The following KLF3 variants were observed in gnomAD, a reference collection of about 807,000 sequenced individuals.
The protein encoded by KLF3 is KLF transcription factor 3.
KLF3 carries 6 observed loss-of-function variants against 32.7 expected under a neutral mutation model. The observed-to-expected ratio is 0.18, with a 90% CI of 0.10 to 0.36. KLF3 has a LOEUF of 0.36. Among genes scored for constraint, KLF3 ranks in the 10% least tolerant of loss-of-function variants. The pLI is 1.00. For synonymous variants in KLF3, 145 were observed against 172.8 expected, an observed-to-expected ratio of 0.84 and a Z score of 1.26; for missense variants, 338 against 449.7, an observed-to-expected ratio of 0.75 and a Z score of 2.25.
chr4:38,685,229 G>T (rs1483490394), intron 2 of KLF3, among the ~76,000 whole-genome samples: 1 of 152,204 alleles, frequency 6.6e-6, no homozygotes, highest in East Asian at 1.9e-4. Context: ...GCAAAAGCTT[G>T]TGTGTGCCAC....
intron 5 of KLF3, among the ~76,000 whole-genome samples, chr4:38,696,611 T>C (rs922411743): frequency 6.6e-6 from 1 of 152,222 alleles, no homozygotes; most frequent in African/African-American, 2.4e-5. Flanking sequence ...AAATAAGATG[T>C]TAATCCCTAA....
rs370306453 is a variant in KLF3, at chr4:38,680,070, G to C, written c.-39-517G>C. ...TAGAAATGCTGGTTGGCTCTCATCT[G>C]GTTATGACCATGGAGTCTGGTTTTA... On this transcript the variant is annotated intron_variant, in intron 1 of 5. Transcript: ENST00000261438. 1.3e-3 allele frequency among the ~76,000 whole-genome samples: 204 copies of C among 152,228 alleles called. 1 individual carries two copies. Among genetic ancestry groups the C allele is most frequent in the African/African-American group, 4.6e-3 (193 of 41,534 alleles).
chr4:38,685,265 G>A (rs1406651418), intron 2 of KLF3, among the ~76,000 whole-genome samples: 2 of 152,158 alleles, frequency 1.3e-5, no homozygotes, highest in African/African-American at 4.8e-5. Flanking sequence ...CAGCTTGAGG[G>A]ACCACATGTC....
At chr4:38,665,040 C>T (rs1472393843) in intron 1 of KLF3, among the ~76,000 whole-genome samples, 1 of 150,790 alleles carries the variant, frequency 6.6e-6, no homozygotes, top group Admixed American at 6.6e-5. Flanking sequence ...CGGCCGCTCG[C>T]CCGCCACAGC....
At chr4:38,673,112 C>T (rs905622320) in intron 1 of KLF3, among the ~76,000 whole-genome samples, 5 of 152,366 alleles carry the variant, frequency 3.3e-5, no homozygotes, top group Middle Eastern at 3.4e-3. Context: ...GTTTCAGTGG[C>T]TCTCTGGGAG....
Position 38,697,207 on chromosome 4 carries a change from A to G in KLF3, c.982A>G (p.Ser328Gly). The change falls in exon 6 of 6, where the codon AGC (serine) becomes GGC (glycine). Residue 328 changes from serine to glycine, a missense_variant. By Grantham distance (56) the Ser-to-Gly change is moderately conservative (BLOSUM62 0). Around this residue, in one of 2 missense-constraint regions of KLF3, gnomAD observed 66 missense variants for 136.2 expected, o/e 0.48. Transcript: ENST00000261438. ...KPFQCPDCDR[S>G]FSRSDHLALH... ...TTTCCAGTGCCCGGACTGTGACCGC[A>G]GCTTCTCCCGTTCTGACCATCTTGC... The G allele has an allele frequency of 1.2e-6, 2 of 1,614,118 alleles. No individual in the cohort carries two copies. The highest frequency in any genetic ancestry group is 1.7e-6 in the Non-Finnish European group (2 of 1,179,998).
Position 38,676,956 on chromosome 4 carries a change from G to GTT in KLF3, c.-39-3611_-39-3610dup, listed in dbSNP as rs34392158. 6.4e-3 allele frequency among the ~76,000 whole-genome samples: 671 copies of GTT among 105,110 alleles called. 2 individuals carry two copies. The highest frequency in any genetic ancestry group is 1.0e-2 in the Non-Finnish European group (531 of 53,174). The allele number at this position is 105,110 out of a possible 152,430, so 69.0% of individuals were successfully genotyped here. A position where few individuals can be genotyped will look rare whatever the true frequency, so the allele number is the denominator to read the frequency against. On this transcript the variant is annotated intron_variant, in intron 1 of 5. Coordinates refer to ENST00000261438, the MANE Select transcript of KLF3 (RefSeq NM_016531.6). ...AATCAGGTTCTGTTAGTGCCAGTGTGTTTTTTTTTTTTTTTTTTTTTGAGA... is the reference window on the plus strand; with the variant it reads ...AATCAGGTTCTGTTAGTGCCAGTGTGTTTTTTTTTTTTTTTTTTTTTTTGAGA...
At chr4:38,666,868 CTCTA>C (rs1025857308) in intron 1 of KLF3, among the ~76,000 whole-genome samples, 56 of 152,142 alleles carry the variant, frequency 3.7e-4, no homozygotes, top group Admixed American at 1.8e-3. Flanking sequence ...AACAGCAGTG[CTCTA>C]TCTTTTTTCC....
chr4:38,695,591 G>C (rs1197369138), intron 5 of KLF3, among the ~76,000 whole-genome samples: 1 of 152,178 alleles, frequency 6.6e-6, no homozygotes, highest in Admixed American at 6.5e-5. Context: ...TGTTTTAACA[G>C]CCAGGTGCAG....
intron 2 of KLF3, among the ~76,000 whole-genome samples, chr4:38,684,415 A>C (rs939070419): frequency 3.9e-5 from 6 of 152,210 alleles, no homozygotes; most frequent in African/African-American, 1.4e-4. Flanking sequence ...TGCAGTGAGA[A>C]GCAGCAGTCA....
At chr4:38,692,234 A>G (rs1722896784) in intron 4 of KLF3, among the ~76,000 whole-genome samples, 1 of 152,208 alleles carries the variant, frequency 6.6e-6, no homozygotes, top group South Asian at 2.1e-4. Context: ...CTTCTTGGTT[A>G]TAATAATCCC....
Position 38,688,626 on chromosome 4 carries a change from G to A in KLF3, c.99G>A (p.Lys33=), listed in dbSNP as rs1722769949. 1 of 1,613,684 alleles carries A rather than the reference G, an allele frequency of 6.2e-7. No individual in the cohort carries two copies. ...SNYMESMKPN[K]YGVIYSTPLP... Reference sequence around the variant, plus strand: ...ACATGGAATCCATGAAGCCTAACAAGTATGGGGTCATCTACTCCACACCAT... The same window carrying A: ...ACATGGAATCCATGAAGCCTAACAAATATGGGGTCATCTACTCCACACCAT... Residue 33 remains lysine, a synonymous_variant, in exon 3 of 6, where the codon AAG becomes AAA. Transcript: ENST00000261438. This position sits in a 1 kb window ranked among gnomAD's most constrained non-coding sequence, Gnocchi z 4.9.
Position 38,680,671 on chromosome 4 carries a change from C to A in KLF3, c.46C>A (p.Pro16Thr), listed in dbSNP as rs1318074337. ...PVPVKQEAMD[P>T]VSVSYPSNYM... is the part of the protein sequence containing the mutation. ...TCCTGTCAAGCAAGAGGCCATGGACCCTGTCTCAGTGGTAAGTTTTCCAAG... is the reference window on the plus strand; with the variant it reads ...TCCTGTCAAGCAAGAGGCCATGGACACTGTCTCAGTGGTAAGTTTTCCAAG... Residue 16 changes from proline to threonine, a missense_variant, in exon 2 of 6, where the codon CCT becomes ACT. Pro to Thr is a conservative substitution (Grantham distance 38). Coordinates refer to ENST00000261438, the MANE Select transcript of KLF3 (RefSeq NM_016531.6). 1.9e-6 allele frequency: 3 copies of A among 1,612,922 alleles called. No individual in the cohort carries two copies. Among genetic ancestry groups the A allele is most frequent in the Admixed American group, 1.7e-5 (1 of 60,008 alleles).
At chr4:38,683,706 T>TA (rs1309420593) in intron 2 of KLF3, among the ~76,000 whole-genome samples, 2 of 151,978 alleles carry the variant, frequency 1.3e-5, no homozygotes, top group Admixed American at 6.5e-5. Flanking sequence ...AAACAAATTG[T>TA]AAAAAAACAA....
intron 4 of KLF3, among the ~76,000 whole-genome samples, chr4:38,691,451 G>A (rs1722876502): frequency 6.6e-6 from 1 of 152,160 alleles, no homozygotes; most frequent in Non-Finnish European, 1.5e-5. Flanking sequence ...CTGCATGGGT[G>A]ATGAAAGAGA....
At chr4:38,689,187 C>T (rs1722799762) in intron 3 of KLF3, 116 bp downstream of exon 3, 3 of 1,285,574 alleles carry the variant, frequency 2.3e-6, no homozygotes, top group East Asian at 4.9e-5. Flanking sequence ...AAAGGAAATA[C>T]TCATCTGCCT....
At chr4:38,666,399 T>TC (rs1722043258) in intron 1 of KLF3, among the ~76,000 whole-genome samples, 1 of 151,860 alleles carries the variant, frequency 6.6e-6, no homozygotes, top group South Asian at 2.1e-4. Context: ...TTTTTTTTTT[T>TC]CCTTACCTGT....
rs1349210244 is a variant in KLF3 at position 38,699,818 on chromosome 4, A to G, written c.*2555A>G. On this transcript the variant is annotated 3_prime_UTR_variant, in exon 6 of 6. Transcript: ENST00000261438. Reference sequence around the variant, plus strand: ...AATTGGCCCTTACCAAACTTTTCTTATATATATATTTGTATTTTACTATGA... The same window carrying G: ...AATTGGCCCTTACCAAACTTTTCTTGTATATATATTTGTATTTTACTATGA... 1 of 152,044 alleles carries G rather than the reference A, an allele frequency of 6.6e-6. No individual in the cohort carries two copies. Among genetic ancestry groups the G allele is most frequent in the African/African-American group, 2.4e-5 (1 of 41,388 alleles). 9.4% of individuals were successfully genotyped at this position (152,044 alleles called of 1,614,324 possible).
At chr4:38,689,145 G>A in intron 3 of KLF3, 74 bp downstream of exon 3, 1 of 1,561,098 alleles carries the variant, frequency 6.4e-7, no homozygotes, top group Non-Finnish European at 8.7e-7. Flanking sequence ...GGTGGGTGAG[G>A]AAGCATGGGG....
Sources: gnomAD v4.1 joint callset for allele counts (sites outside exome capture counted in the v4.1 genomes callset) on GRCh38, gnomAD v4.1.1 for gene constraint, gnomAD v4.1.1 regional missense constraint, Gnocchi (gnomAD v3.1) non-coding constraint, MANE v1.5 for transcripts, NCBI Gene and HGNC (gene_info 2026-07-23, HGNC 2026-07-21) for gene names.